PTPRE: variants seen among roughly 807,000 people sequenced by gnomAD.
The protein encoded by PTPRE is protein tyrosine phosphatase receptor type E.
A neutral mutation model predicts 102.0 loss-of-function variants in PTPRE; 51 were observed. The ratio of observed to expected loss-of-function variants is 0.50; its 90% CI spans 0.40 to 0.63. The LOEUF (loss-of-function observed/expected upper bound fraction) is 0.63, where lower values mean the gene tolerates loss of function less well. PTPRE is among the 30% of genes least tolerant of loss of function. PTPRE has a pLI of 0.00. For synonymous variants in PTPRE, 345 were observed against 348.2 expected (o/e 0.99, Z 0.10); for missense variants, 752 against 915.1 (o/e 0.82, Z 2.30).
intron 10 of PTPRE, among the ~76,000 whole-genome samples, chr10:128,064,553 A>G (rs1052909839): frequency 6.6e-6 from 1 of 152,188 alleles, no homozygotes; most frequent in African/African-American, 2.4e-5. Context: ...CCCATGGCCC[A>G]TAGGGACCAG....
chr10:127,988,989 G>A (rs1351767743), intron 2 of PTPRE, among the ~76,000 whole-genome samples: 1 of 151,952 alleles, frequency 6.6e-6, no homozygotes, highest in African/African-American at 2.4e-5. Context: ...ATGAGCATAA[G>A]CAAAAAAACG....
Position 128,085,018 on chromosome 10 carries a change from A to T in PTPRE, c.*2112A>T. The stretch of plus-strand genomic sequence containing the variant: ...GTTTTTTTCCTGTCCCCTTAGACCA[A>T]CCCCAGGTGTCCACTGCAGGGGTTC... On this transcript the variant is annotated 3_prime_UTR_variant, in exon 21 of 21. Coordinates refer to ENST00000254667, the MANE Select transcript of PTPRE (RefSeq NM_006504.6). The T allele has an allele frequency of 2.3e-6, 1 of 443,718 alleles. No homozygotes were observed. The allele number at this position is 443,718 out of a possible 1,614,324, so 27.5% of individuals were successfully genotyped here. A position where few individuals can be genotyped will look rare whatever the true frequency, so the allele number is the denominator to read the frequency against.
chr10:127,908,102 T>A (rs1432454281), intron 1 of PTPRE, among the ~76,000 whole-genome samples: 1 of 152,214 alleles, frequency 6.6e-6, no homozygotes, highest in Non-Finnish European at 1.5e-5. Context: ...ATGCAAACCT[T>A]TCCAGAAAGA....
chr10:128,027,963 T>A (rs1334547282), intron 2 of PTPRE, among the ~76,000 whole-genome samples: 1 of 152,122 alleles, frequency 6.6e-6, no homozygotes, highest in Admixed American at 6.5e-5. Context: ...AGAGGCACAG[T>A]GAGGTGGGAC....
chr10:128,058,417 A>G (rs1422904519), intron 7 of PTPRE, among the ~76,000 whole-genome samples: 3 of 152,200 alleles, frequency 2.0e-5, no homozygotes, highest in Non-Finnish European at 4.4e-5. Flanking sequence ...ATTCCCCTGT[A>G]AGATCTTTCC....
chr10:128,078,345 A>T (rs575812324), intron 19 of PTPRE, among the ~76,000 whole-genome samples: 1 of 152,366 alleles, frequency 6.6e-6, no homozygotes, highest in Non-Finnish European at 1.5e-5. Context: ...CGTGAAACAC[A>T]GCACGCCCAG....
chr10:127,959,282 G>A (rs1849629031), intron 1 of PTPRE, among the ~76,000 whole-genome samples: 1 of 152,174 alleles, frequency 6.6e-6, no homozygotes, highest in Non-Finnish European at 1.5e-5. Context: ...CAGTGCAAGA[G>A]TTTCCTAAAA....
chr10:127,943,055 T>C (rs561878793), intron 1 of PTPRE, among the ~76,000 whole-genome samples: 3 of 152,308 alleles, frequency 2.0e-5, no homozygotes, highest in African/African-American at 7.2e-5. Context: ...ACTGTTTTCA[T>C]GTGTTTTATT....
intron 2 of PTPRE, among the ~76,000 whole-genome samples, chr10:128,013,345 C>A (rs1356056367): frequency 1.3e-5 from 2 of 152,160 alleles, no homozygotes; most frequent in Non-Finnish European, 2.9e-5. Context: ...GCGGTCAAAA[C>A]AAATAGCTGG....
At chr10:128,082,775 TTAATC>T (rs1229542100) in intron 20 of PTPRE, 52 bp from the exon 21 acceptor site, 2 of 1,509,078 alleles carry the variant, frequency 1.3e-6, no homozygotes, top group East Asian at 2.5e-5. Context: ...TTTCTCCTGA[TTAATC>T]AAATATATTT....
intron 1 of PTPRE, among the ~76,000 whole-genome samples, chr10:127,976,673 C>T (rs908277267): frequency 5.9e-5 from 9 of 152,284 alleles, no homozygotes; most frequent in South Asian, 2.1e-4. Flanking sequence ...GGTGGTTTAA[C>T]GCTGTGGGGA....
rs1208846645 is a variant in PTPRE at position 128,049,595 on chromosome 10, G to A, written c.349G>A (p.Val117Met). The change falls in exon 6 of 21, where the codon GTG becomes ATG. Residue 117 changes from valine to methionine, a missense_variant. Physicochemically the swap from Val to Met is conservative, Grantham distance 21. Around this residue, in one of 2 missense-constraint regions of PTPRE, gnomAD observed 636 missense variants for 824.4 expected, o/e 0.77. Transcript: ENST00000254667. Reference protein sequence around the residue: ...SGPKKYFPIPVEHLEEEIRIR... With the variant: ...SGPKKYFPIPMEHLEEEIRIR... ...GCCCAAGAAGTATTTTCCCATCCCC[G>A]TGGAGCACCTGGAGGAGGAGATCCG... 6 of 1,613,994 alleles carry A rather than the reference G, an allele frequency of 3.7e-6. No individual in the cohort carries two copies. Among genetic ancestry groups the A allele is most frequent in the Admixed American group, 1.7e-5 (1 of 60,024 alleles).
At chr10:128,076,366 A>G (rs1305348322) in intron 17 of PTPRE, among the ~76,000 whole-genome samples, 1 of 151,836 alleles carries the variant, frequency 6.6e-6, no homozygotes, top group Non-Finnish European at 1.5e-5. Context: ...ATATTGAAGA[A>G]TCTCTCCTTT....
At chr10:127,916,196 T>C (rs925265814) in intron 1 of PTPRE, among the ~76,000 whole-genome samples, 1 of 152,136 alleles carries the variant, frequency 6.6e-6, no homozygotes, top group Non-Finnish European at 1.5e-5. Context: ...TCTTGAATTG[T>C]AATCCAAATA....
chr10:128,054,946 T>TC (rs1848831346), intron 6 of PTPRE, among the ~76,000 whole-genome samples: 4 of 152,018 alleles, frequency 2.6e-5, no homozygotes, highest in Admixed American at 2.6e-4. Context: ...GGTGCCGCTC[T>TC]AGGCTCCTGC....
At chr10:128,021,845 G>A (rs1314466691) in intron 2 of PTPRE, among the ~76,000 whole-genome samples, 4 of 152,332 alleles carry the variant, frequency 2.6e-5, no homozygotes, top group Non-Finnish European at 4.4e-5. Flanking sequence ...CGTGCTTCCC[G>A]TGAGGCTGCT....
Position 127,944,369 on chromosome 10 carries a change from CAGAT to C in PTPRE, c.-31+37061_-31+37064del, listed in dbSNP as rs745959270. Among the ~76,000 whole-genome samples, 3 of 150,382 alleles carry C rather than the reference CAGAT, an allele frequency of 2.0e-5. No homozygotes were observed. Among genetic ancestry groups the C allele is most frequent in the Non-Finnish European group, 4.4e-5 (3 of 67,670 alleles). ...GGTGGATGGATGGATGGACGATGGA[CAGAT>C]GGATGGATATGTGGATGGATGGATG... On this transcript the variant is annotated intron_variant, in intron 1 of 20. Transcript: ENST00000254667. The surrounding 1 kb of genome is among the most constrained non-coding windows in gnomAD (Gnocchi z 4.2).
intron 2 of PTPRE, among the ~76,000 whole-genome samples, chr10:128,010,647 A>G (rs1844934367): frequency 6.6e-6 from 1 of 150,484 alleles, no homozygotes; most frequent in African/African-American, 2.5e-5. Flanking sequence ...CAGTGAGGGC[A>G]GTGGCGCGAT....
intron 2 of PTPRE, among the ~76,000 whole-genome samples, chr10:127,982,626 G>T (rs980517135): frequency 6.6e-6 from 1 of 151,836 alleles, no homozygotes; most frequent in Non-Finnish European, 1.5e-5. Context: ...CTTTTAAAAG[G>T]GCCTAGCCTT....
Sources: allele counts gnomAD v4.1 joint callset (sites outside exome capture counted in the v4.1 genomes callset), GRCh38; gene constraint gnomAD v4.1.1; regional missense constraint gnomAD v4.1.1; non-coding constraint Gnocchi (gnomAD v3.1); transcripts MANE v1.5; gene names NCBI Gene and HGNC (gene_info 2026-07-23, HGNC 2026-07-21).